Variants in PTPRM observed in about 807,000 individuals in gnomAD.
The protein encoded by PTPRM is receptor-type tyrosine-protein phosphatase mu.
Under a neutral mutation model 186.7 loss-of-function variants are expected in PTPRM, and 47 were observed. That is an observed-to-expected ratio of 0.25 (90% confidence interval 0.20 to 0.32). The LOEUF is 0.32. PTPRM is among the 10% of genes least tolerant of loss of function. The pLI, the probability that PTPRM is intolerant of heterozygous loss-of-function variation, is 1.00. For missense variants in PTPRM, 1,494 were observed against 1,865.0 expected, an observed-to-expected ratio of 0.80 and a Z score of 3.66; for synonymous variants, 668 against 674.9, an observed-to-expected ratio of 0.99 and a Z score of 0.16.
At chr18:8,246,816 TA>T (rs1407430818) in intron 15 of PTPRM, among the ~76,000 whole-genome samples, 2 of 152,186 alleles carry the variant, frequency 1.3e-5, no homozygotes, top group Non-Finnish European at 2.9e-5. Flanking sequence ...TAAACACAGG[TA>T]AATGCACTCT....
chr18:8,355,740 T>C (rs2095559985), intron 23 of PTPRM, among the ~76,000 whole-genome samples: 2 of 152,226 alleles, frequency 1.3e-5, no homozygotes. Flanking sequence ...CAACTCTGGC[T>C]AATTTCAGGA....
chr18:8,289,567 T>TATATATACATATATATACAC (rs1568675216), intron 19 of PTPRM, among the ~76,000 whole-genome samples: 1 of 123,690 alleles, frequency 8.1e-6, no homozygotes, highest in African/African-American at 3.7e-5. Context: ...TATACACATA[T>TATATATACATATATATACAC]ATATATATAC....
chr18:7,645,914 G>C (rs1018940770), intron 1 of PTPRM, among the ~76,000 whole-genome samples: 6 of 152,074 alleles, frequency 3.9e-5, no homozygotes, highest in African/African-American at 1.4e-4. Context: ...GCCAGGATTG[G>C]GTCTCTGCCA....
intron 2 of PTPRM, among the ~76,000 whole-genome samples, chr18:7,836,286 A>C (rs1173915578): frequency 6.6e-6 from 1 of 152,136 alleles, no homozygotes; most frequent in Admixed American, 6.5e-5. Flanking sequence ...TAAAGTTGCC[A>C]TCAGGGTTGC....
intron 1 of PTPRM, among the ~76,000 whole-genome samples, chr18:7,748,867 C>A (rs1361689005): frequency 6.6e-6 from 1 of 152,172 alleles, no homozygotes; most frequent in Non-Finnish European, 1.5e-5. Flanking sequence ...AACTCCCCCA[C>A]CCCAGTGGGA....
intron 19 of PTPRM, among the ~76,000 whole-genome samples, chr18:8,279,042 C>T (rs781003173): frequency 2.6e-5 from 4 of 151,700 alleles, no homozygotes; most frequent in African/African-American, 9.7e-5. Context: ...CAAAGCTGCA[C>T]GTTGCGCACA....
chr18:7,756,991 A>T lies in PTPRM; in HGVS notation c.74-17158A>T, dbSNP rs146824955. The stretch of plus-strand genomic sequence containing the variant: ...TAGCCTGATCTTCAGCCATGTTTTA[A>T]ATATTCTTTGCGCTGCAGCAAACTT... On this transcript the variant is annotated intron_variant, in intron 1 of 32. Coordinates refer to ENST00000580170, the MANE Select transcript of PTPRM (RefSeq NM_001105244.2). Among the ~76,000 whole-genome samples, 404 of 152,216 alleles carry T rather than the reference A, an allele frequency of 2.7e-3. 2 individuals are homozygous for T. In the Middle Eastern group the frequency reaches 0.027, roughly 10 times the overall value.
At chr18:7,605,136 G>A (rs1391281210) in intron 1 of PTPRM, among the ~76,000 whole-genome samples, 1 of 152,004 alleles carries the variant, frequency 6.6e-6, no homozygotes. Flanking sequence ...GAGCTGTCTT[G>A]GGCCACACAG....
intron 7 of PTPRM, among the ~76,000 whole-genome samples, chr18:8,069,189 G>A (rs2148434867): frequency 6.6e-6 from 1 of 150,910 alleles, no homozygotes; most frequent in South Asian, 2.1e-4. Context: ...AAGTAAGATA[G>A]CATTTAATTT....
intron 4 of PTPRM, among the ~76,000 whole-genome samples, chr18:7,907,225 C>T (rs189866634): frequency 6.6e-6 from 1 of 152,346 alleles, no homozygotes; most frequent in African/African-American, 2.4e-5. Context: ...ATCTGTTTCT[C>T]CCCAAACCCT....
intron 13 of PTPRM, among the ~76,000 whole-genome samples, chr18:8,137,023 T>TTTAGA (rs1433407884): frequency 2.0e-5 from 3 of 152,210 alleles, no homozygotes; most frequent in African/African-American, 4.8e-5. Context: ...GAATTTAAAT[T>TTTAGA]TTAGATTATC....
intron 7 of PTPRM, among the ~76,000 whole-genome samples, chr18:8,055,907 C>T (rs937913493): frequency 2.0e-5 from 3 of 152,066 alleles, no homozygotes; most frequent in African/African-American, 4.8e-5. Flanking sequence ...CTTTGGATGC[C>T]GGTGCTGATA....
At chr18:7,953,563 TCA>T (rs1376211381) in intron 6 of PTPRM, among the ~76,000 whole-genome samples, 1 of 152,214 alleles carries the variant, frequency 6.6e-6, no homozygotes, top group African/African-American at 2.4e-5. Context: ...GAAAATTCAT[TCA>T]CAGTTTTGTG....
At chr18:8,218,574 TATCTGTTGCACTCTTGGGGGAC>T (rs2094116707) in intron 14 of PTPRM, among the ~76,000 whole-genome samples, 1 of 152,166 alleles carries the variant, frequency 6.6e-6, no homozygotes. Context: ...AACAGCAGAT[TATCTGTTGCACTCTTGGGGGAC>T]AAGGGGAGCC....
At chr18:7,958,723 C>T (rs1165032505) in intron 7 of PTPRM, among the ~76,000 whole-genome samples, 1 of 152,140 alleles carries the variant, frequency 6.6e-6, no homozygotes, top group African/African-American at 2.4e-5. Context: ...TCTAAATACT[C>T]CATAATCATG....
chr18:8,208,464 G>A (rs1485824540), intron 14 of PTPRM, among the ~76,000 whole-genome samples: 2 of 152,098 alleles, frequency 1.3e-5, no homozygotes, highest in Non-Finnish European at 2.9e-5. Context: ...AGCTGGGAAG[G>A]TAGATAAGGA....
chr18:7,827,238 T>A (rs1429691055), intron 2 of PTPRM, among the ~76,000 whole-genome samples: 1 of 152,224 alleles, frequency 6.6e-6, no homozygotes, highest in Non-Finnish European at 1.5e-5. Flanking sequence ...GTGTCCCTCA[T>A]CTTAAAAACA....
intron 2 of PTPRM, among the ~76,000 whole-genome samples, chr18:7,786,780 CAA>C (rs1194661122): frequency 6.6e-6 from 1 of 152,190 alleles, no homozygotes; most frequent in Non-Finnish European, 1.5e-5. Context: ...TGACAGGCTG[CAA>C]TTTGCCAGTA....
In PTPRM at chr18:8,043,428, G is replaced by T. The variant is rs568525009; in HGVS notation, c.1133-26258G>T. ...TCATCAATATGGTCCACTCTGCCTGGATTGTTTCTGCCCTCTTTCAATTAT... is the reference window on the plus strand; with the variant it reads ...TCATCAATATGGTCCACTCTGCCTGTATTGTTTCTGCCCTCTTTCAATTAT... On this transcript the variant is annotated intron_variant, in intron 7 of 32. Coordinates refer to ENST00000580170, the MANE Select transcript of PTPRM (RefSeq NM_001105244.2). Among the ~76,000 whole-genome samples the T allele has an allele frequency of 2.0e-5, 3 of 152,266 alleles. No homozygotes were observed. In the South Asian group the frequency reaches 6.2e-4, roughly 32 times the overall value.
Sources: allele counts gnomAD v4.1 joint callset (sites outside exome capture counted in the v4.1 genomes callset), GRCh38; gene constraint gnomAD v4.1.1; transcripts MANE v1.5; gene names NCBI Gene and HGNC (gene_info 2026-07-23, HGNC 2026-07-21).